The following AHCYL2 variants were observed in gnomAD, a reference collection of about 807,000 sequenced individuals.
AHCYL2 encodes the protein adenosylhomocysteinase like 2, also known as S-adenosylhomocysteine hydrolase-like protein 2.
AHCYL2 carries 28 observed loss-of-function variants against 81.4 expected under a neutral mutation model. The observed-to-expected ratio is 0.34, with a 90% CI of 0.25 to 0.47. The LOEUF (loss-of-function observed/expected upper bound fraction) is 0.47, where lower values mean the gene tolerates loss of function less well. Among genes scored for constraint, AHCYL2 ranks in the 20% least tolerant of loss-of-function variants. The probability of loss-of-function intolerance (pLI) is 1.00; values close to 1 mark genes in which losing one functional copy is unlikely to be tolerated. For missense variants in AHCYL2, 551 were observed against 785.1 expected (o/e 0.70, Z 3.56); for synonymous variants, 272 against 290.2 (o/e 0.94, Z 0.64).
intron 5 of AHCYL2, among the ~76,000 whole-genome samples, chr7:129,399,724 CT>C (rs778217871): frequency 0.019 from 2,283 of 122,348 alleles, 24 homozygotes; most frequent in African/African-American, 0.057. Context: ...CCTTTAGTCA[CT>C]TTTTTTTTTT....
At chr7:129,330,557 G>A (rs1362707991) in intron 1 of AHCYL2, among the ~76,000 whole-genome samples, 2 of 147,282 alleles carry the variant, frequency 1.4e-5, no homozygotes, top group Non-Finnish European at 1.5e-5. Context: ...TGCAAGCTCC[G>A]CCTCCTGGGT....
At chr7:129,385,439 T>C (rs1307742559) in intron 2 of AHCYL2, among the ~76,000 whole-genome samples, 1 of 152,244 alleles carries the variant, frequency 6.6e-6, no homozygotes, top group African/African-American at 2.4e-5. Flanking sequence ...TTAATCAGGC[T>C]TGAATCATAA....
Position 129,319,512 on chromosome 7 carries a change from A to C in AHCYL2, c.364-60126A>C, listed in dbSNP as rs57885173. 3.4e-3 allele frequency among the ~76,000 whole-genome samples: 514 copies of C among 152,312 alleles called. 1 individual carries two copies. The highest frequency in any genetic ancestry group is 0.012 in the African/African-American group (497 of 41,564). Reference sequence around the variant, plus strand: ...ACTCTTGATTAGGGGAATGCACATAAAAACTACTCAGAGATACTATTTTGA... The same window carrying C: ...ACTCTTGATTAGGGGAATGCACATACAAACTACTCAGAGATACTATTTTGA... On this transcript the variant is annotated intron_variant, in intron 1 of 16. Coordinates refer to ENST00000325006, the MANE Select transcript of AHCYL2 (RefSeq NM_015328.4).
intron 1 of AHCYL2, among the ~76,000 whole-genome samples, chr7:129,315,918 C>A (rs897322723): frequency 6.6e-6 from 1 of 152,104 alleles, no homozygotes; most frequent in African/African-American, 2.4e-5. Flanking sequence ...TGGAAATTAA[C>A]AATAGGACAC....
At chr7:129,228,318 G>A (rs1469554) in intron 1 of AHCYL2, among the ~76,000 whole-genome samples, 141,337 of 152,204 alleles carry the variant, frequency 0.93, 66,538 homozygotes, top group East Asian at 1. Context: ...CACACAAGGG[G>A]AATAAACTTT....
At chr7:129,413,007 T>A (rs768442695) in intron 11 of AHCYL2, among the ~76,000 whole-genome samples, 1 of 151,362 alleles carries the variant, frequency 6.6e-6, no homozygotes, top group Non-Finnish European at 1.5e-5. Flanking sequence ...CCCAGCTTAT[T>A]TTTGTATTTT....
rs1584674662 is a variant in AHCYL2 at position 129,225,046 on chromosome 7, G to A, written c.-31G>A. The A allele has an allele frequency of 1.3e-6, 2 of 1,568,280 alleles. No individual in the cohort carries two copies. Among genetic ancestry groups the A allele is most frequent in the East Asian group, 2.4e-5 (1 of 42,482 alleles). ...GGGCCGACCAAGAGCAGGAGCTGGA[G>A]TCTGAGCCGGTGGTTGCAGCGGAGG... On this transcript the variant is annotated 5_prime_UTR_variant, in exon 1 of 17. Transcript: ENST00000325006.
chr7:129,319,808 C>G (rs546709766), intron 1 of AHCYL2, among the ~76,000 whole-genome samples: 8 of 152,260 alleles, frequency 5.3e-5, no homozygotes, highest in Admixed American at 2.6e-4. Context: ...ATCAGGTTTA[C>G]TGTTGATGGA....
chr7:129,242,031 A>T (rs1794877341), intron 1 of AHCYL2, among the ~76,000 whole-genome samples: 1 of 152,072 alleles, frequency 6.6e-6, no homozygotes, highest in Admixed American at 6.6e-5. Context: ...TATCAATTGT[A>T]TGTCAGCAGA....
At chr7:129,389,594 C>G in intron 3 of AHCYL2, 40 bp from the exon 4 acceptor site, 1 of 1,483,180 alleles carries the variant, frequency 6.7e-7, no homozygotes, top group Non-Finnish European at 9.3e-7. Context: ...TCTCTTATTC[C>G]TTCTTCTTTA....
chr7:129,365,887 G>A (rs1271315736), intron 1 of AHCYL2, among the ~76,000 whole-genome samples: 1 of 151,960 alleles, frequency 6.6e-6, no homozygotes, highest in Non-Finnish European at 1.5e-5. Context: ...GTTGTTTGGA[G>A]GGGGGCGGGA....
At chr7:129,334,553 C>T (rs1563200981) in intron 1 of AHCYL2, among the ~76,000 whole-genome samples, 1 of 152,172 alleles carries the variant, frequency 6.6e-6, no homozygotes, top group East Asian at 1.9e-4. Context: ...GCCGGAAGCT[C>T]TGTGAAAATC....
At chr7:129,326,140 A>G (rs1341965957) in intron 1 of AHCYL2, among the ~76,000 whole-genome samples, 1 of 152,222 alleles carries the variant, frequency 6.6e-6, no homozygotes, top group African/African-American at 2.4e-5. Context: ...ATTAGTATAC[A>G]TCTGTGATCA....
At chr7:129,413,543 C>T (rs1796698733) in intron 11 of AHCYL2, 51 bp from the exon 12 acceptor site, 1 of 1,373,646 alleles carries the variant, frequency 7.3e-7, no homozygotes. Context: ...TTTTCTCATT[C>T]TGTGGATTAT....
At chr7:129,393,333 G>A (rs1372730852) in intron 4 of AHCYL2, among the ~76,000 whole-genome samples, 1 of 152,176 alleles carries the variant, frequency 6.6e-6, no homozygotes, top group Admixed American at 6.5e-5. Flanking sequence ...TGGGAGGATT[G>A]ATTGAGCCCG....
chr7:129,303,431 C>T (rs1406913063), intron 1 of AHCYL2, among the ~76,000 whole-genome samples: 2 of 152,090 alleles, frequency 1.3e-5, no homozygotes, highest in Non-Finnish European at 2.9e-5. Context: ...CTAGGTTTTC[C>T]AATTTATTGG....
In AHCYL2 at chr7:129,364,382, C is replaced by T. The variant is rs559507039; in HGVS notation, c.364-15256C>T. Among the ~76,000 whole-genome samples the T allele has an allele frequency of 7.2e-5, 11 of 152,296 alleles. No individual in the cohort carries two copies. The South Asian group carries it at 2.3e-3, about 32-fold the overall frequency. On this transcript the variant is annotated intron_variant, in intron 1 of 16. Transcript: ENST00000325006. ...CGATCTCGGCTCACTGCAACCTCTTCCAAGTTCAAGCAATTCTCCTGCCTC... is the reference window on the plus strand; with the variant it reads ...CGATCTCGGCTCACTGCAACCTCTTTCAAGTTCAAGCAATTCTCCTGCCTC...
rs35056717 is a variant in AHCYL2 at position 129,230,079 on chromosome 7, CTTT to C, written c.363+4661_363+4663del. Among the ~76,000 whole-genome samples, 113 of 109,434 alleles carry C rather than the reference CTTT, an allele frequency of 1.0e-3. 1 individual carries two copies. Among genetic ancestry groups the C allele is most frequent in the African/African-American group, 3.8e-3 (108 of 28,766 alleles). The allele number at this position is 109,434 out of a possible 152,430, so 71.8% of individuals were successfully genotyped here. On this transcript the variant is annotated intron_variant, in intron 1 of 16. Transcript: ENST00000325006. Reference sequence around the variant, plus strand: ...TTTACATATACTGTTTTATTTAATTCTTTTTTTTTTTTTTTTTTTTTTTGAGAC... The same window carrying C: ...TTTACATATACTGTTTTATTTAATTCTTTTTTTTTTTTTTTTTTTTGAGAC...
chr7:129,416,687 C>A (rs1796869106), intron 12 of AHCYL2, among the ~76,000 whole-genome samples: 1 of 152,056 alleles, frequency 6.6e-6, no homozygotes, highest in East Asian at 1.9e-4. Flanking sequence ...GTAATCCCAG[C>A]TACTCAGGAG....
Sources: allele counts gnomAD v4.1 joint callset (sites outside exome capture counted in the v4.1 genomes callset), GRCh38; gene constraint gnomAD v4.1.1; transcripts MANE v1.5; gene names NCBI Gene and HGNC (gene_info 2026-07-23, HGNC 2026-07-21).